ABCC11: variants seen among roughly 807,000 people sequenced by gnomAD.
ABCC11 encodes the protein ATP binding cassette subfamily C member 11.
A neutral mutation model predicts 149.3 loss-of-function variants in ABCC11; 135 were observed. That is an observed-to-expected ratio of 0.90 (90% CI 0.79 to 1.04). ABCC11 has a LOEUF of 1.04. Among genes scored for constraint, ABCC11 ranks in the 50% least tolerant of loss-of-function variants. The pLI is 0.00. For missense variants in ABCC11, 1,680 were observed against 1,722.1 expected, an observed-to-expected ratio of 0.98 and a Z score of 0.43; for synonymous variants, 665 against 671.4, an observed-to-expected ratio of 0.99 and a Z score of 0.15.
intron 6 of ABCC11, among the ~76,000 whole-genome samples, chr16:48,216,818 C>T (rs899221344): frequency 2.0e-5 from 3 of 152,186 alleles, no homozygotes; most frequent in African/African-American, 7.2e-5. Context: ...AACCAGCTTG[C>T]TAACGTCACA....
intron 6 of ABCC11, among the ~76,000 whole-genome samples, chr16:48,220,899 G>T (rs1969690860): frequency 6.6e-6 from 1 of 152,160 alleles, no homozygotes; most frequent in South Asian, 2.1e-4. Context: ...GTCTTTGAAG[G>T]GGGCTCATAT....
At chr16:48,205,352 G>A in intron 13 of ABCC11, 61 bp downstream of exon 13, 2 of 1,601,608 alleles carry the variant, frequency 1.2e-6, no homozygotes, top group East Asian at 2.3e-5. Flanking sequence ...GTTTGAAGCT[G>A]GAGGTGCCCC....
At chr16:48,242,482 G>A (rs1406709841) in intron 1 of ABCC11, among the ~76,000 whole-genome samples, 2 of 152,228 alleles carry the variant, frequency 1.3e-5, no homozygotes, top group Non-Finnish European at 2.9e-5. Flanking sequence ...GTGGAAGACA[G>A]TGTGGCAATT....
At chr16:48,216,796 G>C (rs1969375288) in intron 6 of ABCC11, among the ~76,000 whole-genome samples, 1 of 152,180 alleles carries the variant, frequency 6.6e-6, no homozygotes, top group Non-Finnish European at 1.5e-5. Context: ...TGGCTAACTA[G>C]AGTCTGTACA....
intron 22 of ABCC11, 40 bp downstream of exon 22, chr16:48,186,913 T>G: frequency 6.2e-7 from 1 of 1,611,382 alleles, no homozygotes; most frequent in Non-Finnish European, 8.5e-7. Context: ...CCACCACCCC[T>G]GTGGTTCCAT....
intron 15 of ABCC11, among the ~76,000 whole-genome samples, chr16:48,198,823 G>A (rs564420041): frequency 6.6e-6 from 1 of 152,128 alleles, no homozygotes; most frequent in Admixed American, 6.6e-5. Context: ...CAGATCACGA[G>A]GTCAGGAGTT....
intron 1 of ABCC11, chr16:48,244,507 A>T: frequency 6.3e-7 from 1 of 1,594,734 alleles, no homozygotes. Flanking sequence ...CGCAACCTGC[A>T]GCTGGTGCGG....
intron 3 of ABCC11, among the ~76,000 whole-genome samples, chr16:48,228,617 T>C (rs574756050): frequency 6.6e-6 from 1 of 151,810 alleles, no homozygotes; most frequent in African/African-American, 2.4e-5. Flanking sequence ...AAAAACTCAG[T>C]ATTTTTTTCA....
At chr16:48,211,785 TCAG>T (rs2150863258) in intron 10 of ABCC11, among the ~76,000 whole-genome samples, 1 of 152,312 alleles carries the variant, frequency 6.6e-6, no homozygotes, top group South Asian at 2.1e-4. Context: ...AAGGTGATCA[TCAG>T]CAGGTCAATT....
At chr16:48,221,677 G>T (rs1199301258) in intron 6 of ABCC11, among the ~76,000 whole-genome samples, 1 of 152,126 alleles carries the variant, frequency 6.6e-6, no homozygotes, top group Non-Finnish European at 1.5e-5. Flanking sequence ...TTTGTTCAGG[G>T]GCCTATCCCC....
chr16:48,247,147 T>G (rs552611820), intron 1 of ABCC11, among the ~76,000 whole-genome samples, 167 bp downstream of exon 1: 2 of 152,426 alleles, frequency 1.3e-5, no homozygotes, highest in South Asian at 4.1e-4. Flanking sequence ...GTGGAAAGAT[T>G]GTACCATATT....
Position 48,216,179 on chromosome 16 carries a change from AG to A in ABCC11, c.885del (p.Tyr296ThrfsTer25), listed in dbSNP as rs747388277. On this transcript the variant is annotated frameshift_variant, in exon 7 of 30. Transcript: ENST00000356608. LOFTEE classifies it high-confidence loss of function. ...CASLVICSIS[S>X]YFIIGYTAFI... ...AATGCAGTGTATCCAATAATGAAGT[AG>A]GAAGAAATGCTGCAGATGACCAGCG... 1.9e-6 allele frequency: 3 copies of A among 1,614,124 alleles called. No individual in the cohort carries two copies. The highest frequency in any genetic ancestry group is 1.3e-5 in the African/African-American group (1 of 74,958).
intron 4 of ABCC11, among the ~76,000 whole-genome samples, chr16:48,225,470 A>T (rs1288913149): frequency 1.3e-5 from 2 of 152,220 alleles, no homozygotes; most frequent in Non-Finnish European, 2.9e-5. Context: ...TTTATCCTGT[A>T]GGATCTCCCA....
chr16:48,195,760 C>T (rs924797398), intron 18 of ABCC11, among the ~76,000 whole-genome samples: 2 of 152,140 alleles, frequency 1.3e-5, no homozygotes, highest in Non-Finnish European at 2.9e-5. Context: ...GCGATGTGGC[C>T]GCTATTTTCT....
intron 20 of ABCC11, among the ~76,000 whole-genome samples, chr16:48,191,836 G>A (rs1966948653): frequency 6.6e-6 from 1 of 152,054 alleles, no homozygotes; most frequent in Non-Finnish European, 1.5e-5. Flanking sequence ...TTGTGGGGTT[G>A]GGGGACGGGG....
At chr16:48,169,521 G>A (rs1305982027) in intron 28 of ABCC11, among the ~76,000 whole-genome samples, 5 of 152,012 alleles carry the variant, frequency 3.3e-5, no homozygotes. Flanking sequence ...AGATCAGATG[G>A]TTGTAGATGT....
chr16:48,225,322 G>T (rs1281050463), intron 4 of ABCC11, among the ~76,000 whole-genome samples: 1 of 152,218 alleles, frequency 6.6e-6, no homozygotes. Context: ...TCTTTATAGA[G>T]TTAGTTTCTC....
At chr16:48,215,441 G>A (rs1441736053) in intron 7 of ABCC11, 97 bp from the exon 8 acceptor site, 4 of 1,386,164 alleles carry the variant, frequency 2.9e-6, no homozygotes, top group Non-Finnish European at 3.9e-6. Flanking sequence ...GCAACTGGGT[G>A]TATTTCCAAA....
intron 1 of ABCC11, among the ~76,000 whole-genome samples, chr16:48,242,471 T>C (rs1481105799): frequency 6.6e-6 from 1 of 152,182 alleles, no homozygotes; most frequent in Non-Finnish European, 1.5e-5. Flanking sequence ...GTTCAACCAT[T>C]GTGGAAGACA....
Sources: allele counts gnomAD v4.1 joint callset (sites outside exome capture counted in the v4.1 genomes callset), GRCh38; gene constraint gnomAD v4.1.1; transcripts MANE v1.5; gene names NCBI Gene and HGNC (gene_info 2026-07-23, HGNC 2026-07-21).